FCHO2: variants seen among roughly 807,000 people sequenced by gnomAD.
The protein encoded by FCHO2 is FCH and mu domain containing endocytic adaptor 2.
Under a neutral mutation model 114.1 loss-of-function variants are expected in FCHO2, and 43 were observed. The observed-to-expected ratio is 0.38, with a 90% CI of 0.30 to 0.49. The LOEUF (loss-of-function observed/expected upper bound fraction) is 0.49, where lower values mean the gene tolerates loss of function less well. Among genes scored for constraint, FCHO2 ranks in the 20% least tolerant of loss-of-function variants. The pLI is 0.97. For missense variants in FCHO2, 807 were observed against 950.4 expected (o/e 0.85, Z 1.98); for synonymous variants, 293 against 315.2 (o/e 0.93, Z 0.75).
At chr5:73,049,915 A>C (rs1283667937) in intron 11 of FCHO2, among the ~76,000 whole-genome samples, 1 of 151,666 alleles carries the variant, frequency 6.6e-6, no homozygotes, top group African/African-American at 2.4e-5. Flanking sequence ...TATACATATA[A>C]ATACCATCAT....
chr5:73,006,878 A>G (rs1458167383), intron 6 of FCHO2, among the ~76,000 whole-genome samples: 1 of 152,166 alleles, frequency 6.6e-6, no homozygotes, highest in Non-Finnish European at 1.5e-5. Flanking sequence ...AGGCTACGGC[A>G]GTCAATACAA....
At position 73,081,924 on chromosome 5, in the gene FCHO2, G is replaced by A; in HGVS notation, c.2122G>A (p.Val708Met). The A allele has an allele frequency of 6.2e-7, 1 of 1,609,900 alleles. No individual in the cohort carries two copies. The highest frequency in any genetic ancestry group is 2.2e-5 in the East Asian group (1 of 44,672). The change falls in exon 23 of 26, where the codon GTG (valine) becomes ATG (methionine). Residue 708 changes from valine to methionine, a missense_variant. By Grantham distance (21) the Val-to-Met change is conservative (BLOSUM62 1). Transcript: ENST00000430046. Reference protein sequence around the residue: ...VAPSVLSNIQVVVPVDGGVTN... With the variant: ...VAPSVLSNIQMVVPVDGGVTN... ...ACCTAGTGTGCTTTCCAACATACAG[G>A]TGGTGGTACCAGTGGATGGAGGAGT... is the stretch of plus-strand genomic sequence containing the variant.
intron 15 of FCHO2, chr5:73,055,078 CAG>C (rs1467699081): frequency 2.6e-6 from 1 of 383,128 alleles, no homozygotes; most frequent in Admixed American, 2.7e-5. Context: ...GAAGACTTAA[CAG>C]AAACTTTAAC....
Position 73,056,087 on chromosome 5 carries a change from G to A in FCHO2, c.1233G>A (p.Lys411=), listed in dbSNP as rs1173505096. 3.3e-6 allele frequency: 5 copies of A among 1,527,326 alleles called. No homozygotes were observed. Among genetic ancestry groups the A allele is most frequent in the African/African-American group, 1.4e-5 (1 of 71,682 alleles). The allele number at this position is 1,527,326 out of a possible 1,614,324, so 94.6% of individuals were successfully genotyped here. A position where few individuals can be genotyped will look rare whatever the true frequency, so the allele number is the denominator to read the frequency against. The change falls in exon 16 of 26, where the codon AAG becomes AAA. Residue 411 remains lysine (K), a synonymous_variant. Transcript: ENST00000430046. ...NLSNEELTKS[K]PSAPPNEKGT... Reference sequence around the variant, plus strand: ...TAGATGAGGAGTTAACAAAATCAAAGCCATCTGCTCCACCCAATGAGTAAG... The same window carrying A: ...TAGATGAGGAGTTAACAAAATCAAAACCATCTGCTCCACCCAATGAGTAAG...
intron 8 of FCHO2, among the ~76,000 whole-genome samples, chr5:73,018,436 C>CT (rs138958811): frequency 0.13 from 19,854 of 151,946 alleles, 1,394 homozygotes; most frequent in Non-Finnish European, 0.17. Context: ...TAAATTTTCA[C>CT]GTTGACAGAA....
intron 6 of FCHO2, among the ~76,000 whole-genome samples, chr5:73,013,945 A>G (rs969774767): frequency 1.2e-4 from 18 of 152,034 alleles, no homozygotes; most frequent in African/African-American, 3.9e-4. Flanking sequence ...CGGCCTCCCA[A>G]AGTGCTGGAA....
chr5:73,006,888 A>G (rs1754746547), intron 6 of FCHO2, among the ~76,000 whole-genome samples: 1 of 152,172 alleles, frequency 6.6e-6, no homozygotes, highest in African/African-American at 2.4e-5. Flanking sequence ...AGTCAATACA[A>G]CCCAAAAAAT....
At chr5:73,025,892 C>T (rs1755890196) in intron 8 of FCHO2, among the ~76,000 whole-genome samples, 1 of 152,204 alleles carries the variant, frequency 6.6e-6, no homozygotes, top group African/African-American at 2.4e-5. Context: ...CATTTTATTT[C>T]TCCTCTTTTG....
intron 2 of FCHO2, among the ~76,000 whole-genome samples, chr5:72,982,600 G>A (rs969528739): frequency 6.6e-6 from 1 of 152,134 alleles, no homozygotes; most frequent in African/African-American, 2.4e-5. Flanking sequence ...TTTAGATATT[G>A]TGTCTAAAAA....
At chr5:73,067,287 C>T (rs1742398830) in intron 18 of FCHO2, among the ~76,000 whole-genome samples, 1 of 152,046 alleles carries the variant, frequency 6.6e-6, no homozygotes, top group South Asian at 2.1e-4. Context: ...AGAAATGTCC[C>T]ACAGTAGTTG....
chr5:73,038,874 T>A (rs1015933410), intron 10 of FCHO2, among the ~76,000 whole-genome samples: 1 of 152,226 alleles, frequency 6.6e-6, no homozygotes, highest in African/African-American at 2.4e-5. Context: ...TAAGTAAATG[T>A]TTAAAATATA....
chr5:73,027,911 A>C (rs1221228492), intron 8 of FCHO2, among the ~76,000 whole-genome samples: 1 of 152,142 alleles, frequency 6.6e-6, no homozygotes, highest in Admixed American at 6.6e-5. Flanking sequence ...AAGGCTGACT[A>C]TACCAGCCAG....
chr5:72,986,673 C>G (rs1753538351), intron 2 of FCHO2, among the ~76,000 whole-genome samples: 1 of 152,078 alleles, frequency 6.6e-6, no homozygotes, highest in East Asian at 1.9e-4. Context: ...TTAAGTATCC[C>G]TTATTTGAAA....
intron 16 of FCHO2, among the ~76,000 whole-genome samples, chr5:73,056,786 A>G (rs750882922): frequency 6.6e-6 from 1 of 152,096 alleles, no homozygotes; most frequent in Non-Finnish European, 1.5e-5. Flanking sequence ...ACGTTATAAA[A>G]TAATATACTT....
chr5:72,986,813 C>T (rs1015116311), intron 2 of FCHO2, among the ~76,000 whole-genome samples: 6 of 152,002 alleles, frequency 3.9e-5, no homozygotes, highest in African/African-American at 1.4e-4. Context: ...TTTATACACA[C>T]CATATACTCA....
intron 22 of FCHO2, among the ~76,000 whole-genome samples, chr5:73,080,227 CTAAGA>C (rs1160504783): frequency 1.3e-5 from 2 of 152,128 alleles, no homozygotes; most frequent in Non-Finnish European, 2.9e-5. Context: ...GCAGTCAATA[CTAAGA>C]TAACAATGAG....
rs769130995 is a variant in FCHO2 at position 73,058,470 on chromosome 5, T to C, written c.1291T>C (p.Phe431Leu). Residue 431 changes from phenylalanine to leucine, a missense_variant, in exon 17 of 26, where the codon TTT becomes CTT. By Grantham distance (22) the Phe-to-Leu change is conservative (BLOSUM62 0). Transcript: ENST00000430046. ...TGATTTACTTGCTTGGGACCCCCTA[T>C]TTGGACCATCTCTTGATTCATCTTC... The part of the protein sequence containing the change: ...TSDLLAWDPL[F>L]GPSLDSSSSS... 1 of 1,575,234 alleles carries C rather than the reference T, an allele frequency of 6.3e-7. No homozygotes were observed. Among genetic ancestry groups the C allele is most frequent in the Non-Finnish European group, 8.6e-7 (1 of 1,158,122 alleles).
At chr5:73,071,109 A>C (rs1423596806) in intron 19 of FCHO2, among the ~76,000 whole-genome samples, 1 of 151,994 alleles carries the variant, frequency 6.6e-6, no homozygotes, top group East Asian at 1.9e-4. Flanking sequence ...AATTCCATCA[A>C]ATTGCTGTAC....
chr5:73,007,379 C>A (rs986029616), intron 6 of FCHO2, among the ~76,000 whole-genome samples: 5 of 152,126 alleles, frequency 3.3e-5, no homozygotes, highest in African/African-American at 1.2e-4. Context: ...CACATGAGTT[C>A]TTTTACCTAT....
Sources: allele counts gnomAD v4.1 joint callset (sites outside exome capture counted in the v4.1 genomes callset), GRCh38; gene constraint gnomAD v4.1.1; transcripts MANE v1.5; gene names NCBI Gene and HGNC (gene_info 2026-07-23, HGNC 2026-07-21).